The following IGF1R variants were observed in gnomAD, a reference collection of about 807,000 sequenced individuals.
IGF1R encodes the protein insulin-like growth factor 1 receptor.
IGF1R carries 44 observed loss-of-function variants against 144.6 expected under a neutral mutation model. The ratio of observed to expected loss-of-function variants is 0.30; its 90% CI spans 0.24 to 0.39. The LOEUF is 0.39. Ranked by LOEUF, IGF1R falls within the 10% of genes least tolerant of loss-of-function variation. The pLI is 1.00. For synonymous variants in IGF1R, 795 were observed against 722.8 expected, an observed-to-expected ratio of 1.10 and a Z score of -1.60; for missense variants, 1,355 against 1,833.7, an observed-to-expected ratio of 0.74 and a Z score of 4.77.
intron 2 of IGF1R, among the ~76,000 whole-genome samples, chr15:98,815,653 T>C (rs571545066): frequency 5.9e-5 from 9 of 152,290 alleles, no homozygotes; most frequent in African/African-American, 1.2e-4. Context: ...AATCTCTCAG[T>C]GCGTAGGATA....
intron 2 of IGF1R, among the ~76,000 whole-genome samples, chr15:98,773,927 C>T (rs1412726886): frequency 2.0e-5 from 3 of 152,090 alleles, no homozygotes; most frequent in Non-Finnish European, 4.4e-5. Flanking sequence ...CAGTAGTAGC[C>T]CAGAATAAAC....
At chr15:98,899,373 G>A in intron 4 of IGF1R, 104 bp from the exon 5 acceptor site, 2 of 1,175,562 alleles carry the variant, frequency 1.7e-6, no homozygotes, top group South Asian at 1.2e-5. Flanking sequence ...AGCATCTCAG[G>A]GGGCACCTGC....
chr15:98,852,682 A>G (rs1301773068), intron 2 of IGF1R, among the ~76,000 whole-genome samples: 1 of 152,234 alleles, frequency 6.6e-6, no homozygotes, highest in Non-Finnish European at 1.5e-5. Flanking sequence ...AAGCGGGCCG[A>G]GCGCAGAGTG....
chr15:98,868,908 C>G (rs2012617131), intron 2 of IGF1R, among the ~76,000 whole-genome samples: 1 of 152,160 alleles, frequency 6.6e-6, no homozygotes, highest in Non-Finnish European at 1.5e-5. Context: ...AGAGGATTAT[C>G]TTCATTAAAA....
intron 18 of IGF1R, 28 bp from the exon 19 acceptor site, chr15:98,942,895 T>C (rs1183795587): frequency 6.2e-7 from 1 of 1,613,790 alleles, no homozygotes; most frequent in Non-Finnish European, 8.5e-7. Flanking sequence ...CTCCAGCGTG[T>C]GACTCTGCGC....
At chr15:98,744,573 G>A (rs936992983) in intron 2 of IGF1R, among the ~76,000 whole-genome samples, 1 of 152,020 alleles carries the variant, frequency 6.6e-6, no homozygotes, top group African/African-American at 2.4e-5. Context: ...CAGAGATAGA[G>A]GGGGGCTAAA....
chr15:98,928,322 A>G (rs572042285), intron 13 of IGF1R, among the ~76,000 whole-genome samples: 1 of 152,318 alleles, frequency 6.6e-6, no homozygotes, highest in South Asian at 2.1e-4. Context: ...GAACTGGGTA[A>G]TGCAGAGCAT....
At chr15:98,914,011 C>A (rs184402999) in intron 8 of IGF1R, among the ~76,000 whole-genome samples, 1 of 152,314 alleles carries the variant, frequency 6.6e-6, no homozygotes, top group East Asian at 1.9e-4. Flanking sequence ...TCTCACAGTT[C>A]CAGAAGCCAC....
At chr15:98,781,320 T>TG (rs1210801526) in intron 2 of IGF1R, among the ~76,000 whole-genome samples, 1 of 152,132 alleles carries the variant, frequency 6.6e-6, no homozygotes, top group East Asian at 1.9e-4. Flanking sequence ...GGTTTAAAAT[T>TG]GGGGGCAAAA....
intron 6 of IGF1R, among the ~76,000 whole-genome samples, chr15:98,909,376 A>T (rs553231020): frequency 4.9e-4 from 72 of 147,408 alleles, no homozygotes; most frequent in Middle Eastern, 3.6e-3. Context: ...CTCATGCCTC[A>T]GCCTCCCGAG....
chr15:98,825,533 C>T (rs771970462), intron 2 of IGF1R, among the ~76,000 whole-genome samples: 10 of 152,308 alleles, frequency 6.6e-5, no homozygotes, highest in Non-Finnish European at 1.5e-4. Context: ...CCTAGATTCT[C>T]ATAGGAGTGA....
intron 2 of IGF1R, among the ~76,000 whole-genome samples, chr15:98,792,414 G>GC (rs2056147604): frequency 6.6e-6 from 1 of 152,186 alleles, no homozygotes; most frequent in South Asian, 2.1e-4. Context: ...ATTAATCTTT[G>GC]CAAATGAAGA....
chr15:98,701,017 A>T (rs1427087660), intron 1 of IGF1R, among the ~76,000 whole-genome samples: 2 of 152,116 alleles, frequency 1.3e-5, no homozygotes, highest in African/African-American at 4.8e-5. Context: ...TAACCTCTTA[A>T]ATCATTTTGA....
At chr15:98,838,622 G>T (rs565112892) in intron 2 of IGF1R, among the ~76,000 whole-genome samples, 2 of 152,294 alleles carry the variant, frequency 1.3e-5, no homozygotes, top group Non-Finnish European at 2.9e-5. Flanking sequence ...GTCAAAGGGC[G>T]TTGGGCCAGG....
At position 98,958,025 on chromosome 15, in the gene IGF1R, A is replaced by C; in HGVS notation, c.*583A>C. ...GCTGTTACCATTTTAACGCTGCCTA[A>C]TTTTGCCAAAATCCTGAACTTTCTC... On this transcript the variant is annotated 3_prime_UTR_variant, in exon 21 of 21. Transcript: ENST00000650285. 1 of 234,188 alleles carries C rather than the reference A, an allele frequency of 4.3e-6. No homozygotes were observed. The allele number at this position is 234,188 out of a possible 1,614,324, so 14.5% of individuals were successfully genotyped here.
chr15:98,775,865 G>A (rs953975779), intron 2 of IGF1R, among the ~76,000 whole-genome samples: 2 of 152,184 alleles, frequency 1.3e-5, no homozygotes, highest in Non-Finnish European at 2.9e-5. Flanking sequence ...TTGGGGTCTG[G>A]GACCACACTT....
intron 1 of IGF1R, among the ~76,000 whole-genome samples, chr15:98,653,469 GT>G (rs1203833480): frequency 6.6e-6 from 1 of 152,202 alleles, no homozygotes; most frequent in Admixed American, 6.5e-5. Context: ...CAGTATTGTT[GT>G]TTCTTTTCTT....
chr15:98,672,694 A>G (rs1365871620), intron 1 of IGF1R, among the ~76,000 whole-genome samples: 1 of 152,232 alleles, frequency 6.6e-6, no homozygotes, highest in East Asian at 1.9e-4. Flanking sequence ...TGAGAAATAC[A>G]AAAACCTTTC....
chr15:98,948,324 C>T lies in IGF1R; in HGVS notation c.3588-250C>T, dbSNP rs989446107. Among the ~76,000 whole-genome samples, 47 of 152,136 alleles carry T rather than the reference C, an allele frequency of 3.1e-4. 2 individuals are homozygous for T. The highest frequency in any genetic ancestry group is 2.7e-3 in the Admixed American group (42 of 15,276). On this transcript the variant is annotated intron_variant, in intron 19 of 20. Coordinates refer to ENST00000650285, the MANE Select transcript of IGF1R (RefSeq NM_000875.5). ...GGCTTCCTGACCGTGCAAGGGATGC[C>T]GGAAGCGCCCTCACCACCTTCCTTA...
Sources: gnomAD v4.1 joint callset for allele counts (sites outside exome capture counted in the v4.1 genomes callset) on GRCh38, gnomAD v4.1.1 for gene constraint, MANE v1.5 for transcripts, NCBI Gene and HGNC (gene_info 2026-07-23, HGNC 2026-07-21) for gene names.